Variants in OSBPL10 observed in about 807,000 individuals in gnomAD.
The protein encoded by OSBPL10 is oxysterol binding protein like 10.
OSBPL10 carries 49 observed loss-of-function variants against 81.7 expected under a neutral mutation model. The observed-to-expected ratio is 0.60, with a 90% CI of 0.48 to 0.76. The LOEUF (loss-of-function observed/expected upper bound fraction) is 0.76. Ranked by LOEUF, OSBPL10 falls within the 30% of genes least tolerant of loss-of-function variation. The probability of loss-of-function intolerance (pLI) is 0.00; values close to 1 mark genes in which losing one functional copy is unlikely to be tolerated. For synonymous variants in OSBPL10, 419 were observed against 383.6 expected (o/e 1.09, Z -1.08); for missense variants, 923 against 987.8 (o/e 0.93, Z 0.88).
intron 2 of OSBPL10, among the ~76,000 whole-genome samples, chr3:32,006,469 C>T (rs1462778551): frequency 1.3e-5 from 2 of 152,160 alleles, no homozygotes; most frequent in Admixed American, 1.3e-4. Flanking sequence ...ATCCATTGAA[C>T]TTTTTTACCC....
At chr3:32,067,616 C>T (rs541028149) in intron 1 of OSBPL10, among the ~76,000 whole-genome samples, 1 of 152,228 alleles carries the variant, frequency 6.6e-6, no homozygotes, top group South Asian at 2.1e-4. Flanking sequence ...TTCTGCCCCA[C>T]CCTAACTGAT....
At chr3:31,740,171 G>T (rs1161816461) in intron 5 of OSBPL10, among the ~76,000 whole-genome samples, 1 of 151,494 alleles carries the variant, frequency 6.6e-6, no homozygotes, top group African/African-American at 2.4e-5. Flanking sequence ...AGCCTCCCAA[G>T]TAGCTGGGAC....
At chr3:31,836,840 T>C (rs906752810) in intron 3 of OSBPL10, among the ~76,000 whole-genome samples, 3 of 152,178 alleles carry the variant, frequency 2.0e-5, no homozygotes, top group Admixed American at 1.3e-4. Context: ...TTTTGGATGC[T>C]TTATTTTGAA....
chr3:32,020,459 A>G (rs1367763928), intron 2 of OSBPL10, among the ~76,000 whole-genome samples: 1 of 152,202 alleles, frequency 6.6e-6, no homozygotes, highest in African/African-American at 2.4e-5. Flanking sequence ...ATGTTGTAGC[A>G]TGTATCAGTA....
chr3:32,061,730 T>C (rs1699754665), intron 1 of OSBPL10, among the ~76,000 whole-genome samples: 1 of 91,892 alleles, frequency 1.1e-5, no homozygotes, highest in Non-Finnish European at 2.9e-5. Context: ...CCTTGACCTC[T>C]CAGGCTGAAG....
At chr3:31,685,338 G>A (rs1294046105) in intron 7 of OSBPL10, among the ~76,000 whole-genome samples, 1 of 152,128 alleles carries the variant, frequency 6.6e-6, no homozygotes, top group Non-Finnish European at 1.5e-5. Context: ...GAGTAGCTGG[G>A]ACTACAGGCA....
chr3:31,860,855 G>GC (rs980927202), intron 3 of OSBPL10, among the ~76,000 whole-genome samples: 1 of 126,460 alleles, frequency 7.9e-6, no homozygotes, highest in African/African-American at 5.3e-5. Context: ...GGGTTTTTTG[G>GC]GGTTTTTTTT....
At chr3:31,780,150 G>A (rs372038424) in intron 4 of OSBPL10, among the ~76,000 whole-genome samples, 10 of 152,028 alleles carry the variant, frequency 6.6e-5, no homozygotes, top group African/African-American at 1.4e-4. Context: ...AAGATTAGCC[G>A]GGTGTGGTGG....
At chr3:31,916,340 G>T (rs369749488) in intron 1 of OSBPL10, among the ~76,000 whole-genome samples, 46 of 152,222 alleles carry the variant, frequency 3.0e-4, no homozygotes, top group African/African-American at 1.1e-3. Context: ...CTAAAGTCAC[G>T]TAAAATGTTC....
At chr3:31,775,282 C>T (rs1430583466) in intron 4 of OSBPL10, among the ~76,000 whole-genome samples, 1 of 152,008 alleles carries the variant, frequency 6.6e-6, no homozygotes, top group East Asian at 1.9e-4. Context: ...TCTGAGGGAA[C>T]ATGCAAAGGA....
chr3:31,680,352 G>A (rs1700610267), intron 8 of OSBPL10, among the ~76,000 whole-genome samples: 1 of 152,124 alleles, frequency 6.6e-6, no homozygotes, highest in Admixed American at 6.5e-5. Flanking sequence ...TGTGAACTCA[G>A]GGGGCTGCCT....
intron 1 of OSBPL10, among the ~76,000 whole-genome samples, chr3:31,941,115 A>C (rs2125423936): frequency 6.6e-6 from 1 of 152,324 alleles, no homozygotes; most frequent in East Asian, 1.9e-4. Flanking sequence ...TTTCTCCTCA[A>C]GCTAAACACA....
At chr3:31,855,879 A>C (rs1700898067) in intron 3 of OSBPL10, among the ~76,000 whole-genome samples, 1 of 152,084 alleles carries the variant, frequency 6.6e-6, no homozygotes, top group African/African-American at 2.4e-5. Context: ...CTAGCGATGG[A>C]AAATCACCCC....
At chr3:31,861,632 T>C (rs1365021599) in intron 3 of OSBPL10, among the ~76,000 whole-genome samples, 1 of 152,218 alleles carries the variant, frequency 6.6e-6, no homozygotes, top group East Asian at 1.9e-4. Flanking sequence ...TATTGGCCTC[T>C]TTGGTGACAC....
intron 3 of OSBPL10, among the ~76,000 whole-genome samples, chr3:31,873,974 A>T (rs1371076494): frequency 6.6e-6 from 1 of 152,160 alleles, no homozygotes; most frequent in Admixed American, 6.5e-5. Flanking sequence ...TCCATTTCTC[A>T]AATAAGAAAT....
chr3:31,701,068 G>C (rs1340123103), intron 7 of OSBPL10, among the ~76,000 whole-genome samples: 1 of 152,172 alleles, frequency 6.6e-6, no homozygotes, highest in Non-Finnish European at 1.5e-5. Flanking sequence ...TCAAAGAAAA[G>C]ATTTGTCTGT....
upstream of OSBPL10, among the ~76,000 whole-genome samples, chr3:31,983,305 G>A (rs1698887062): frequency 6.6e-6 from 1 of 152,114 alleles, no homozygotes; most frequent in Non-Finnish European, 1.5e-5. Context: ...CCTTTTATTG[G>A]AGACTGCCAC....
At chr3:32,068,247 A>T (rs889405978) in intron 1 of OSBPL10, among the ~76,000 whole-genome samples, 1 of 152,138 alleles carries the variant, frequency 6.6e-6, no homozygotes, top group Non-Finnish European at 1.5e-5. Context: ...TTGGTGTTTA[A>T]TCACTGCGGG....
At chr3:32,059,580 G>C (rs1293709696) in intron 1 of OSBPL10, among the ~76,000 whole-genome samples, 1 of 151,650 alleles carries the variant, frequency 6.6e-6, no homozygotes, top group Non-Finnish European at 1.5e-5. Flanking sequence ...GACAGAGCAA[G>C]ACTCCATCTC....
Sources: allele counts gnomAD v4.1 joint callset (sites outside exome capture counted in the v4.1 genomes callset), GRCh38; gene constraint gnomAD v4.1.1; transcripts MANE v1.5; gene names NCBI Gene and HGNC (gene_info 2026-07-23, HGNC 2026-07-21).